The following MRTFA variants were observed in gnomAD, a reference collection of about 807,000 sequenced individuals.
MRTFA encodes the protein myocardin related transcription factor A.
In MRTFA, 20 loss-of-function variants were observed where a neutral mutation model predicts 83.5. The ratio of observed to expected loss-of-function variants is 0.24; its 90% CI spans 0.17 to 0.35. The LOEUF is 0.35. MRTFA is among the 10% of genes least tolerant of loss of function. The probability of loss-of-function intolerance (pLI) is 1.00; values close to 1 mark genes in which losing one functional copy is unlikely to be tolerated. For missense variants in MRTFA, 1,200 were observed against 1,224.7 expected, an observed-to-expected ratio of 0.98 and a Z score of 0.30; for synonymous variants, 659 against 541.2, an observed-to-expected ratio of 1.22 and a Z score of -3.02.
chr22:40,619,299 T>C (rs990217432), intron 1 of MRTFA, among the ~76,000 whole-genome samples: 4 of 151,128 alleles, frequency 2.6e-5, no homozygotes, highest in African/African-American at 9.9e-5. Flanking sequence ...TTGTATAGAG[T>C]ACATATACTT....
intron 2 of MRTFA, among the ~76,000 whole-genome samples, chr22:40,568,288 T>G (rs2055735336): frequency 6.6e-6 from 1 of 152,242 alleles, no homozygotes; most frequent in Non-Finnish European, 1.5e-5. Context: ...ACTAATCTAC[T>G]CTGGTAAGAT....
In MRTFA at chr22:40,560,817, A is replaced by AG. The variant is rs1473024993; in HGVS notation, c.-21-8451dup. Reference sequence around the variant, plus strand: ...ATCTTTTCTCCACCCTACCCGCTTTAGGGCTGCATGCCTTCTGCCTGTACA... The same window carrying AG: ...ATCTTTTCTCCACCCTACCCGCTTTAGGGGCTGCATGCCTTCTGCCTGTACA... On this transcript the variant is annotated intron_variant, in intron 2 of 14. Transcript: ENST00000355630. Among the ~76,000 whole-genome samples the AG allele has an allele frequency of 1.1e-4, 16 of 152,202 alleles. 1 individual carries two copies. In the East Asian group the frequency reaches 3.1e-3, roughly 29 times the overall value.
chr22:40,532,105 C>G (rs1285305922), intron 3 of MRTFA, among the ~76,000 whole-genome samples: 3 of 152,182 alleles, frequency 2.0e-5, no homozygotes, highest in Admixed American at 2.0e-4. Flanking sequence ...GTGGCTAGCC[C>G]TGCCCAACAC....
intron 2 of MRTFA, among the ~76,000 whole-genome samples, chr22:40,573,978 G>A (rs531698392): frequency 3.3e-5 from 5 of 152,072 alleles, no homozygotes; most frequent in Admixed American, 2.6e-4. Context: ...TCGAATTCAT[G>A]GGCTCAAACA....
At chr22:40,562,124 G>A (rs544687169) in intron 2 of MRTFA, among the ~76,000 whole-genome samples, 5 of 152,008 alleles carry the variant, frequency 3.3e-5, no homozygotes, top group African/African-American at 9.7e-5. Flanking sequence ...GGCTGAGGCC[G>A]GAGAACGGCG....
At chr22:40,469,631 T>C (rs1040034953) in intron 3 of MRTFA, among the ~76,000 whole-genome samples, 1 of 152,054 alleles carries the variant, frequency 6.6e-6, no homozygotes, top group Non-Finnish European at 1.5e-5. Flanking sequence ...AACAAACATA[T>C]AGAACACTCC....
chr22:40,525,427 G>A (rs1003877936), intron 3 of MRTFA, among the ~76,000 whole-genome samples: 1 of 151,642 alleles, frequency 6.6e-6, no homozygotes, highest in Non-Finnish European at 1.5e-5. Flanking sequence ...CTTGAGCCCG[G>A]GAGACAGAGG....
chr22:40,498,737 C>A (rs1164336582), intron 3 of MRTFA, among the ~76,000 whole-genome samples: 1 of 152,086 alleles, frequency 6.6e-6, no homozygotes, highest in Non-Finnish European at 1.5e-5. Context: ...CAGATCTCTA[C>A]CTCTCAGGAG....
At chr22:40,560,521 G>A (rs1267974547) in intron 2 of MRTFA, among the ~76,000 whole-genome samples, 4 of 152,068 alleles carry the variant, frequency 2.6e-5, no homozygotes, top group Non-Finnish European at 5.9e-5. Context: ...AAAATGTTGA[G>A]GTATAGCCAT....
chr22:40,507,937 T>G (rs910093903), intron 3 of MRTFA, among the ~76,000 whole-genome samples: 5 of 117,328 alleles, frequency 4.3e-5, no homozygotes. Context: ...CACTCCAGCC[T>G]GGGAAACAGA....
At chr22:40,411,978 G>C (rs1473021012) in intron 14 of MRTFA, 71 bp from the exon 15 acceptor site, 11 of 1,321,376 alleles carry the variant, frequency 8.3e-6, no homozygotes, top group Admixed American at 5.5e-5. Flanking sequence ...AAAGAATGAA[G>C]GTGGACCCCC....
At chr22:40,625,038 GA>G (rs1372185944) in intron 1 of MRTFA, among the ~76,000 whole-genome samples, 18 of 152,228 alleles carry the variant, frequency 1.2e-4, no homozygotes, top group African/African-American at 4.3e-4. Context: ...CTGGGTAAAA[GA>G]AATCTTTAAA....
At chr22:40,411,993 G>T in intron 14 of MRTFA, 86 bp from the exon 15 acceptor site, 1 of 1,156,650 alleles carries the variant, frequency 8.6e-7, no homozygotes, top group Non-Finnish European at 1.2e-6. Flanking sequence ...ACCCCCCAAC[G>T]TCACACCATT....
chr22:40,539,012 T>C lies in MRTFA; in HGVS notation c.241+13094A>G, dbSNP rs113759160. Among the ~76,000 whole-genome samples, 889 of 134,080 alleles carry C rather than the reference T, an allele frequency of 6.6e-3. 20 individuals are homozygous for C. The highest frequency in any genetic ancestry group is 0.066 in the Middle Eastern group (16 of 242). The allele number at this position is 134,080 out of a possible 152,430, so 88.0% of individuals were successfully genotyped here. ...TTTGTTTTTTTTTTTTTTTTTTTTTTGAGACAAAGTCTCACTCTGCCACTC... is the reference window on the plus strand; with the variant it reads ...TTTGTTTTTTTTTTTTTTTTTTTTTCGAGACAAAGTCTCACTCTGCCACTC... On this transcript the variant is annotated intron_variant, in intron 3 of 14. Transcript: ENST00000355630.
At chr22:40,572,051 G>A (rs1168721343) in intron 2 of MRTFA, among the ~76,000 whole-genome samples, 4 of 150,576 alleles carry the variant, frequency 2.7e-5, no homozygotes, top group Non-Finnish European at 4.4e-5. Context: ...ACACCCAGTA[G>A]GATTGGTAAA....
At chr22:40,600,410 C>T (rs186934107) in intron 1 of MRTFA, among the ~76,000 whole-genome samples, 4 of 152,184 alleles carry the variant, frequency 2.6e-5, no homozygotes, top group African/African-American at 7.2e-5. Context: ...CTTTCCTTTC[C>T]GATTATCGGT....
At chr22:40,432,525 T>TAA (rs1434385666) in intron 5 of MRTFA, among the ~76,000 whole-genome samples, 1 of 152,112 alleles carries the variant, frequency 6.6e-6, no homozygotes, top group Non-Finnish European at 1.5e-5. Flanking sequence ...CCTGACTCTA[T>TAA]AGAGTCTGTG....
intron 2 of MRTFA, among the ~76,000 whole-genome samples, chr22:40,591,545 AG>A (rs2056122211): frequency 6.6e-6 from 1 of 152,210 alleles, no homozygotes; most frequent in South Asian, 2.1e-4. Flanking sequence ...CTTACTTCAA[AG>A]GAAGTTTAAA....
In MRTFA at chr22:40,503,457, C is replaced by T. The variant is rs140668300; in HGVS notation, c.242-40171G>A. ...AACCCCTGGCCTCAAGTGATCTGCC[C>T]GCCTCGGCTTCTCAAAGTACCGGGA... On this transcript the variant is annotated intron_variant, in intron 3 of 14. Coordinates refer to ENST00000355630, the MANE Select transcript of MRTFA (RefSeq NM_020831.6). Among the ~76,000 whole-genome samples, 856 of 152,312 alleles carry T rather than the reference C, an allele frequency of 5.6e-3. 19 individuals are homozygous for T. The Middle Eastern group carries it at 0.061, about 11-fold the overall frequency.
Sources: allele counts gnomAD v4.1 joint callset (sites outside exome capture counted in the v4.1 genomes callset), GRCh38; gene constraint gnomAD v4.1.1; transcripts MANE v1.5; gene names NCBI Gene and HGNC (gene_info 2026-07-23, HGNC 2026-07-21).